MTHFD2L: variants seen among roughly 807,000 people sequenced by gnomAD.
The protein encoded by MTHFD2L is bifunctional methylenetetrahydrofolate dehydrogenase/cyclohydrolase 2, mitochondrial.
A neutral mutation model predicts 34.9 loss-of-function variants in MTHFD2L; 29 were observed. That is an observed-to-expected ratio of 0.83 (90% CI 0.62 to 1.13). The LOEUF (loss-of-function observed/expected upper bound fraction) is 1.13. Ranked by LOEUF, MTHFD2L falls within the 50% of genes most tolerant of loss-of-function variation. The pLI is 0.00. For synonymous variants in MTHFD2L, 167 were observed against 155.7 expected, an observed-to-expected ratio of 1.07 and a Z score of -0.54; for missense variants, 481 against 446.5, an observed-to-expected ratio of 1.08 and a Z score of -0.70.
intron 1 of MTHFD2L, chr4:74,143,323 C>T (rs1723391939): frequency 4.1e-6 from 3 of 724,666 alleles, no homozygotes; most frequent in Non-Finnish European, 5.1e-6. Context: ...TTTCATATGG[C>T]TGGTGACAGT....
intron 6 of MTHFD2L, among the ~76,000 whole-genome samples, chr4:74,246,928 G>A (rs1291409269): frequency 1.3e-5 from 2 of 152,122 alleles, no homozygotes; most frequent in Admixed American, 1.3e-4. Context: ...CTCCAGCTTT[G>A]TTCCTTTGGC....
chr4:74,211,546 G>T (rs752191525), intron 5 of MTHFD2L, among the ~76,000 whole-genome samples: 3 of 152,296 alleles, frequency 2.0e-5, no homozygotes, highest in East Asian at 1.9e-4. Flanking sequence ...ACTTGATTGT[G>T]CCAGTTAAGC....
At chr4:74,130,889 G>A (rs1349204256) in intron 1 of MTHFD2L, among the ~76,000 whole-genome samples, 1 of 152,122 alleles carries the variant, frequency 6.6e-6, no homozygotes, top group Non-Finnish European at 1.5e-5. Context: ...CTTCAGCAAA[G>A]TCTCAGGATA....
chr4:74,247,994 T>G lies in MTHFD2L; in HGVS notation c.805+22600T>G, dbSNP rs538644327. On this transcript the variant is annotated intron_variant, in intron 6 of 7. Transcript: ENST00000325278. ...TGGTGTCAGGATGATGCTGGCCTCA[T>G]AAAATGAGTTAGGGAGGATTCCCTC... Among the ~76,000 whole-genome samples the G allele has an allele frequency of 9.0e-3, 1,371 of 152,296 alleles. 18 individuals are homozygous for G. Among genetic ancestry groups the G allele is most frequent in the African/African-American group, 0.032 (1,321 of 41,554 alleles).
intron 5 of MTHFD2L, among the ~76,000 whole-genome samples, chr4:74,209,965 AAT>A (rs1423854611): frequency 2.6e-5 from 4 of 152,068 alleles, no homozygotes; most frequent in African/African-American, 7.2e-5. Context: ...AGCTTTTTTA[AAT>A]ATGTTTGTTG....
intron 5 of MTHFD2L, among the ~76,000 whole-genome samples, chr4:74,206,729 G>GCATA (rs1735396390): frequency 6.6e-6 from 1 of 151,940 alleles, no homozygotes; most frequent in African/African-American, 2.4e-5. Flanking sequence ...ATTGGTTTTA[G>GCATA]CATAGTGTCT....
chr4:74,122,881 C>T (rs1488105801), upstream of MTHFD2L, among the ~76,000 whole-genome samples: 1 of 152,050 alleles, frequency 6.6e-6, no homozygotes, highest in Non-Finnish European at 1.5e-5. Context: ...TTGTATTCTG[C>T]TTTTATAAGA....
chr4:74,148,315 T>TCC (rs35100283), intron 1 of MTHFD2L, among the ~76,000 whole-genome samples: 78 of 150,516 alleles, frequency 5.2e-4, no homozygotes, highest in Non-Finnish European at 6.6e-4. Context: ...CTATTTGTGG[T>TCC]CCCCCCCTTT....
rs1311721308 is a variant in MTHFD2L, at chr4:74,301,715, G to A, written c.950G>A (p.Gly317Asp). The A allele has an allele frequency of 1.3e-6, 2 of 1,586,038 alleles. No homozygotes were observed. The highest frequency in any genetic ancestry group is 1.7e-6 in the Non-Finnish European group (2 of 1,167,250). Residue 317 changes from glycine to aspartate, a missense_variant, in exon 8 of 8, where the codon GGC becomes GAC. Coordinates refer to ENST00000325278, the MANE Select transcript of MTHFD2L (RefSeq NM_001144978.3). ...VDFEAVKKKA[G>D]FITPVPGGVG... ...TCATCAGCTGTTAAAAAGAAAGCTGGCTTTATCACTCCAGTTCCAGGAGGT... is the reference window on the plus strand; with the variant it reads ...TCATCAGCTGTTAAAAAGAAAGCTGACTTTATCACTCCAGTTCCAGGAGGT...
chr4:74,280,636 T>C lies in MTHFD2L; in HGVS notation c.806-789T>C, dbSNP rs1007781385. 9.2e-5 allele frequency among the ~76,000 whole-genome samples: 14 copies of C among 151,706 alleles called. 1 individual carries two copies. In the South Asian group the frequency reaches 2.9e-3, roughly 31 times the overall value. ...TGTGATTGGATTGTTCAATGTTTTT[T>C]TTTTTTAAAAAACTGGAACATTAAC... On this transcript the variant is annotated intron_variant, in intron 6 of 7. Transcript: ENST00000325278.
intron 6 of MTHFD2L, among the ~76,000 whole-genome samples, chr4:74,279,124 A>G (rs1035997734): frequency 2.6e-5 from 4 of 152,098 alleles, no homozygotes; most frequent in African/African-American, 9.7e-5. Flanking sequence ...TTATAATAGC[A>G]AAATATTAGA....
chr4:74,122,046 T>A (rs1226929179), upstream of MTHFD2L, among the ~76,000 whole-genome samples: 1 of 152,178 alleles, frequency 6.6e-6, no homozygotes, highest in African/African-American at 2.4e-5. Context: ...GGCATTTTGT[T>A]ACAGCAGCCC....
rs182576077 is a variant in MTHFD2L, at chr4:74,147,747, G to A, written c.-296-12308G>A. Among the ~76,000 whole-genome samples the A allele has an allele frequency of 1.7e-3, 254 of 152,194 alleles. 1 individual carries two copies. The highest frequency in any genetic ancestry group is 5.1e-3 in the African/African-American group (213 of 41,532). ...AACGGACATGAGGTGGTATAACATT[G>A]CGCTTTGGATTTGCATTTCCTTAAT... is the stretch of plus-strand genomic sequence containing the variant. On this transcript the variant is annotated intron_variant, in intron 1 of 7. Transcript: ENST00000433372.
chr4:74,182,141 A>G (rs1313462181), intron 3 of MTHFD2L, among the ~76,000 whole-genome samples: 1 of 152,148 alleles, frequency 6.6e-6, no homozygotes, highest in Non-Finnish European at 1.5e-5. Flanking sequence ...TCTCTATGGG[A>G]GAAACCCCAG....
At chr4:74,187,736 A>G (rs1731571513) in intron 3 of MTHFD2L, among the ~76,000 whole-genome samples, 1 of 60,006 alleles carries the variant, frequency 1.7e-5, no homozygotes, top group Non-Finnish European at 3.0e-5. Flanking sequence ...CGTTAAATAC[A>G]CACACACACA....
chr4:74,117,148 CGG>C (rs993354911), intron 2 of MTHFD2L, among the ~76,000 whole-genome samples: 4 of 152,238 alleles, frequency 2.6e-5, no homozygotes, highest in Admixed American at 2.6e-4. Context: ...CACAAGTGGA[CGG>C]GGCTTCATAG....
chr4:74,141,728 C>T (rs1723284036), intron 1 of MTHFD2L, among the ~76,000 whole-genome samples: 2 of 151,960 alleles, frequency 1.3e-5, no homozygotes, highest in South Asian at 4.1e-4. Context: ...TAATATTATT[C>T]TTGTAACTAA....
intron 2 of MTHFD2L, among the ~76,000 whole-genome samples, chr4:74,114,915 CT>C (rs1721632813): frequency 6.6e-6 from 1 of 152,058 alleles, no homozygotes; most frequent in South Asian, 2.1e-4. Flanking sequence ...ATTATTAGCC[CT>C]TGATAGATGA....
chr4:74,185,151 CAAAAAAAAAA>C (rs1169021073), intron 3 of MTHFD2L, among the ~76,000 whole-genome samples: 2 of 15,976 alleles, frequency 1.3e-4, no homozygotes, highest in African/African-American at 4.0e-4. Context: ...GACTCCATCT[CAAAAAAAAAA>C]AAAAAAAAAA....
Sources: gnomAD v4.1 joint callset for allele counts (sites outside exome capture counted in the v4.1 genomes callset) on GRCh38, gnomAD v4.1.1 for gene constraint, MANE v1.5 for transcripts, NCBI Gene and HGNC (gene_info 2026-07-23, HGNC 2026-07-21) for gene names.